Variants in DLGAP1 observed in about 807,000 individuals in gnomAD.
DLGAP1 encodes DLG associated protein 1.
A neutral mutation model predicts 90.8 loss-of-function variants in DLGAP1; 11 were observed. That is an observed-to-expected ratio of 0.12 (90% confidence interval 0.08 to 0.20). The LOEUF is 0.20. DLGAP1 is among the 10% of genes least tolerant of loss of function. The pLI is 1.00. For missense variants in DLGAP1, 1,050 were observed against 1,333.8 expected (o/e 0.79, Z 3.31); for synonymous variants, 558 against 540.7 (o/e 1.03, Z -0.44).
intron 1 of DLGAP1, among the ~76,000 whole-genome samples, chr18:4,188,532 T>C (rs1020954647): frequency 6.6e-6 from 1 of 152,152 alleles, no homozygotes; most frequent in Non-Finnish European, 1.5e-5. Flanking sequence ...GTTCTCATTG[T>C]TCAACTTCCA....
At chr18:3,554,117 C>T (rs1007588393) in intron 9 of DLGAP1, among the ~76,000 whole-genome samples, 2 of 152,008 alleles carry the variant, frequency 1.3e-5, no homozygotes, top group Non-Finnish European at 2.9e-5. Flanking sequence ...AAAGGATTGG[C>T]TTACTAGATT....
intron 1 of DLGAP1, among the ~76,000 whole-genome samples, chr18:4,443,684 G>A (rs565469599): frequency 9.9e-5 from 15 of 152,130 alleles, no homozygotes; most frequent in South Asian, 2.1e-4. Context: ...TGGTATTGCC[G>A]ATATTTAAAT....
intron 4 of DLGAP1, among the ~76,000 whole-genome samples, chr18:3,844,404 C>T (rs899774356): frequency 6.6e-6 from 1 of 152,168 alleles, no homozygotes; most frequent in African/African-American, 2.4e-5. Context: ...TCAGGAATTT[C>T]TGCTACCATC....
In DLGAP1 at chr18:3,727,098, T is replaced by C. The variant is rs77378775; in HGVS notation, c.1591+2037A>G. Among the ~76,000 whole-genome samples the C allele has an allele frequency of 0.014, 2,097 of 152,344 alleles. 52 individuals are homozygous for C. Among genetic ancestry groups the C allele is most frequent in the African/African-American group, 0.048 (2,013 of 41,584 alleles). ...ATACTACAAACATGACAAATAGTTCTGTAGTATAAGTGTTTCTCATGCAAT... is the reference window on the plus strand; with the variant it reads ...ATACTACAAACATGACAAATAGTTCCGTAGTATAAGTGTTTCTCATGCAAT... On this transcript the variant is annotated intron_variant, in intron 7 of 12. Coordinates refer to ENST00000315677, the MANE Select transcript of DLGAP1 (RefSeq NM_004746.4). The surrounding 1 kb of genome is among the most constrained non-coding windows in gnomAD (Gnocchi z 4.7).
intron 1 of DLGAP1, among the ~76,000 whole-genome samples, chr18:4,183,417 T>C (rs1285199578): frequency 6.6e-6 from 1 of 152,124 alleles, no homozygotes; most frequent in African/African-American, 2.4e-5. Context: ...AGGGAACATT[T>C]CATTGTATAT....
At chr18:4,309,913 C>T (rs2080355876) in intron 1 of DLGAP1, among the ~76,000 whole-genome samples, 1 of 152,176 alleles carries the variant, frequency 6.6e-6, no homozygotes, top group South Asian at 2.1e-4. Context: ...TCTTCTCCAC[C>T]TCTAGAGAAG....
chr18:4,253,922 GT>G (rs139780729), intron 1 of DLGAP1, among the ~76,000 whole-genome samples: 1,721 of 152,256 alleles, frequency 0.011, 39 homozygotes, highest in African/African-American at 0.038. Context: ...ACTCGCTTCA[GT>G]TCTCAGGTTT....
At chr18:4,052,716 T>C (rs1440998047) in intron 2 of DLGAP1, among the ~76,000 whole-genome samples, 2 of 152,216 alleles carry the variant, frequency 1.3e-5, no homozygotes, top group Admixed American at 6.5e-5. Context: ...TTATTTTCTA[T>C]TGCATCATCA....
At chr18:4,127,953 C>T (rs2076255043) in intron 2 of DLGAP1, among the ~76,000 whole-genome samples, 1 of 152,148 alleles carries the variant, frequency 6.6e-6, no homozygotes, top group Non-Finnish European at 1.5e-5. Context: ...TACAATAGTC[C>T]ACAGTAAGAC....
chr18:3,929,152 T>C (rs1429897934), intron 3 of DLGAP1, among the ~76,000 whole-genome samples: 2 of 152,160 alleles, frequency 1.3e-5, no homozygotes, highest in African/African-American at 2.4e-5. Flanking sequence ...CAGTCTCAGG[T>C]AGGTCTTTAT....
chr18:3,612,918 T>A (rs1183755988), intron 7 of DLGAP1, among the ~76,000 whole-genome samples: 1 of 152,154 alleles, frequency 6.6e-6, no homozygotes, highest in East Asian at 1.9e-4. Context: ...CTTGGCTCAC[T>A]GCAACCTCTG....
chr18:4,127,521 G>C (rs944406359), intron 2 of DLGAP1, among the ~76,000 whole-genome samples: 4 of 152,064 alleles, frequency 2.6e-5, no homozygotes, highest in Non-Finnish European at 5.9e-5. Context: ...ATTGATGAAA[G>C]AAAAAAGTCA....
intron 1 of DLGAP1, among the ~76,000 whole-genome samples, chr18:4,388,716 A>G (rs1352920857): frequency 6.6e-6 from 1 of 152,238 alleles, no homozygotes. Context: ...GCTATTACTT[A>G]CAGCCAAAGA....
intron 1 of DLGAP1, among the ~76,000 whole-genome samples, chr18:4,305,377 A>G (rs2143340537): frequency 6.6e-6 from 1 of 152,134 alleles, no homozygotes; most frequent in East Asian, 1.9e-4. Context: ...TCTACTAAAA[A>G]TACAAAATTA....
intron 3 of DLGAP1, among the ~76,000 whole-genome samples, chr18:3,944,558 C>T (rs2072839112): frequency 2.0e-5 from 3 of 152,154 alleles, no homozygotes; most frequent in Non-Finnish European, 1.5e-5. Context: ...ATTTCTAACA[C>T]TGACTCTCAG....
chr18:3,954,547 T>C (rs1156834624), intron 3 of DLGAP1, among the ~76,000 whole-genome samples: 1 of 152,246 alleles, frequency 6.6e-6, no homozygotes, highest in Non-Finnish European at 1.5e-5. Context: ...AATTATTTTT[T>C]AAGCAAAAAG....
At chr18:3,887,870 A>C (rs1397213567) in intron 3 of DLGAP1, among the ~76,000 whole-genome samples, 2 of 152,076 alleles carry the variant, frequency 1.3e-5, no homozygotes, top group African/African-American at 4.8e-5. Context: ...GCACTTTGGG[A>C]GGCCGAGGTG....
At chr18:4,004,305 C>A (rs1354936551) in intron 3 of DLGAP1, among the ~76,000 whole-genome samples, 3 of 151,930 alleles carry the variant, frequency 2.0e-5, no homozygotes, top group Non-Finnish European at 2.9e-5. Flanking sequence ...TTTTCTTTTC[C>A]TGTTTCCTGG....
intron 2 of DLGAP1, among the ~76,000 whole-genome samples, chr18:4,041,795 T>A (rs1209187578): frequency 6.6e-6 from 1 of 152,196 alleles, no homozygotes; most frequent in African/African-American, 2.4e-5. Flanking sequence ...TTGCTCTTCA[T>A]CTCTGTTAGG....
Sources: gnomAD v4.1 joint callset for allele counts (sites outside exome capture counted in the v4.1 genomes callset) on GRCh38, gnomAD v4.1.1 for gene constraint, Gnocchi (gnomAD v3.1) non-coding constraint, MANE v1.5 for transcripts, NCBI Gene and HGNC (gene_info 2026-07-23, HGNC 2026-07-21) for gene names.